The following HS6ST3 variants were observed in gnomAD, a reference collection of about 807,000 sequenced individuals.
The protein encoded by HS6ST3 is heparan sulfate 6-O-sulfotransferase 3.
A neutral mutation model predicts 36.7 loss-of-function variants in HS6ST3; 12 were observed. The observed-to-expected ratio is 0.33, with a 90% CI of 0.21 to 0.53. The LOEUF (loss-of-function observed/expected upper bound fraction) is 0.53, where lower values mean the gene tolerates loss of function less well. Ranked by LOEUF, HS6ST3 falls within the 20% of genes least tolerant of loss-of-function variation. The pLI is 0.95. For synonymous variants in HS6ST3, 240 were observed against 257.5 expected, an observed-to-expected ratio of 0.93 and a Z score of 0.65; for missense variants, 584 against 640.9, an observed-to-expected ratio of 0.91 and a Z score of 0.96.
rs575620665 is a variant in HS6ST3 at position 96,332,205 on chromosome 13, C to A, written c.707+240636C>A. ...TCCTATTCGGCCATCTTGGCTCCTC[C>A]CCCCATTTTTTCCTGTTTTGTTTTT... On this transcript the variant is annotated intron_variant, in intron 1 of 1. Transcript: ENST00000376705. Among the ~76,000 whole-genome samples, 3 of 152,272 alleles carry A rather than the reference C, an allele frequency of 2.0e-5. No homozygotes were observed. In the East Asian group the frequency reaches 5.8e-4, roughly 29 times the overall value.
chr13:96,101,779 A>G (rs928798042), intron 1 of HS6ST3, among the ~76,000 whole-genome samples: 1 of 152,164 alleles, frequency 6.6e-6, no homozygotes, highest in Non-Finnish European at 1.5e-5. Flanking sequence ...AATGCCATCC[A>G]TGGAGAATAT....
intron 1 of HS6ST3, among the ~76,000 whole-genome samples, chr13:96,829,664 T>G (rs552031405): frequency 7.9e-5 from 12 of 152,344 alleles, no homozygotes; most frequent in African/African-American, 2.9e-4. Flanking sequence ...ATGATCTCAT[T>G]CTTTTTTATG....
chr13:96,535,328 G>A (rs1008093080), intron 1 of HS6ST3, among the ~76,000 whole-genome samples: 2 of 151,992 alleles, frequency 1.3e-5, no homozygotes, highest in African/African-American at 2.4e-5. Context: ...AAACCAAGGC[G>A]GGCGAATCAT....
chr13:96,264,312 A>G (rs751351334), intron 1 of HS6ST3, among the ~76,000 whole-genome samples: 2 of 152,158 alleles, frequency 1.3e-5, no homozygotes, highest in Non-Finnish European at 2.9e-5. Context: ...AAGATTACAG[A>G]GGGACTGTGC....
intron 1 of HS6ST3, among the ~76,000 whole-genome samples, chr13:96,304,472 A>G (rs1260542906): frequency 2.0e-5 from 3 of 152,108 alleles, no homozygotes; most frequent in African/African-American, 4.8e-5. Context: ...TAATCAAGGG[A>G]CCATCTAATG....
chr13:96,342,941 C>G (rs183702656), intron 1 of HS6ST3, among the ~76,000 whole-genome samples: 1 of 152,320 alleles, frequency 6.6e-6, no homozygotes, highest in Non-Finnish European at 1.5e-5. Context: ...AATGCTGTGT[C>G]TTGCAACTTC....
chr13:96,170,384 G>A lies in HS6ST3; in HGVS notation c.707+78815G>A, dbSNP rs779272249. On this transcript the variant is annotated intron_variant, in intron 1 of 1. Coordinates refer to ENST00000376705, the MANE Select transcript of HS6ST3 (RefSeq NM_153456.4). ...ATCTGGGCTGCTGCCGCCAATGGAA[G>A]AGAAAACTTTAAATAGAGAATAGCA... Among the ~76,000 whole-genome samples the A allele has an allele frequency of 2.0e-5, 3 of 152,244 alleles. No individual in the cohort carries two copies. The South Asian group carries it at 6.2e-4, about 31-fold the overall frequency.
chr13:96,442,836 A>G (rs1290477074), intron 1 of HS6ST3, among the ~76,000 whole-genome samples: 1 of 152,042 alleles, frequency 6.6e-6, no homozygotes, highest in East Asian at 1.9e-4. Context: ...AGGAAAAAAC[A>G]AACCAAAAAA....
intron 1 of HS6ST3, among the ~76,000 whole-genome samples, chr13:96,192,259 G>A (rs1170452019): frequency 1.3e-5 from 2 of 152,116 alleles, no homozygotes; most frequent in Non-Finnish European, 2.9e-5. Context: ...CAAGATATAT[G>A]TTGACCAAAT....
At chr13:96,721,716 G>T (rs1040847434) in intron 1 of HS6ST3, among the ~76,000 whole-genome samples, 1 of 152,070 alleles carries the variant, frequency 6.6e-6, no homozygotes, top group Non-Finnish European at 1.5e-5. Context: ...AAAAGTTTCA[G>T]ACTGTTTAAG....
intron 1 of HS6ST3, among the ~76,000 whole-genome samples, chr13:96,675,371 ATATT>A (rs917050721): frequency 1.3e-5 from 2 of 152,076 alleles, no homozygotes; most frequent in African/African-American, 2.4e-5. Context: ...ATTTAAATAT[ATATT>A]TATGTCATAT....
intron 1 of HS6ST3, among the ~76,000 whole-genome samples, chr13:96,400,236 GAC>G (rs763778930): frequency 3.5e-5 from 5 of 143,020 alleles, no homozygotes; most frequent in South Asian, 4.4e-4. Context: ...CTCACATGCA[GAC>G]ACACACAGAT....
intron 1 of HS6ST3, among the ~76,000 whole-genome samples, chr13:96,497,174 A>G (rs934994266): frequency 1.3e-5 from 2 of 152,144 alleles, no homozygotes; most frequent in African/African-American, 4.8e-5. Context: ...ATCAGAGGAC[A>G]GGAAAAGGGA....
chr13:96,471,548 C>G (rs961347523), intron 1 of HS6ST3, among the ~76,000 whole-genome samples: 1 of 152,134 alleles, frequency 6.6e-6, no homozygotes, highest in Admixed American at 6.6e-5. Context: ...AATGATTGAG[C>G]AGCTGTCTTC....
In HS6ST3 at chr13:96,268,638, C is replaced by T. The variant is rs115072016; in HGVS notation, c.707+177069C>T. On this transcript the variant is annotated intron_variant, in intron 1 of 1. Coordinates refer to ENST00000376705, the MANE Select transcript of HS6ST3 (RefSeq NM_153456.4). ...TTTGAGAATATGGTATAAAGCAACTCTTCCTAAAATTTCATTAGTAATCAT... is the reference window on the plus strand; with the variant it reads ...TTTGAGAATATGGTATAAAGCAACTTTTCCTAAAATTTCATTAGTAATCAT... Among the ~76,000 whole-genome samples the T allele has an allele frequency of 9.7e-3, 1,477 of 152,018 alleles. 41 individuals carry two copies. Among genetic ancestry groups the T allele is most frequent in the African/African-American group, 0.034 (1,419 of 41,358 alleles).
chr13:96,726,129 C>T (rs1876001267), intron 1 of HS6ST3, among the ~76,000 whole-genome samples: 3 of 152,184 alleles, frequency 2.0e-5, no homozygotes, highest in Admixed American at 6.5e-5. Flanking sequence ...AGCCACCGTG[C>T]CCGGCCTATG....
chr13:96,473,331 G>A (rs1302641885), intron 1 of HS6ST3, among the ~76,000 whole-genome samples: 1 of 152,178 alleles, frequency 6.6e-6, no homozygotes, highest in Non-Finnish European at 1.5e-5. Context: ...TTCCAGGCAT[G>A]TATCAAAAAG....
chr13:96,667,663 TCA>T (rs1284793836), intron 1 of HS6ST3, among the ~76,000 whole-genome samples: 5 of 152,242 alleles, frequency 3.3e-5, no homozygotes, highest in Non-Finnish European at 7.3e-5. Flanking sequence ...TGATTTTTGT[TCA>T]GCAATGTTAC....
chr13:96,778,481 A>G (rs1157757302), intron 1 of HS6ST3, among the ~76,000 whole-genome samples: 1 of 152,228 alleles, frequency 6.6e-6, no homozygotes, highest in Non-Finnish European at 1.5e-5. Flanking sequence ...TTTACAAGAA[A>G]AAAACAACCC....
Sources: allele counts gnomAD v4.1 joint callset (sites outside exome capture counted in the v4.1 genomes callset), GRCh38; gene constraint gnomAD v4.1.1; transcripts MANE v1.5; gene names NCBI Gene and HGNC (gene_info 2026-07-23, HGNC 2026-07-21).